Variants in THSD4 observed in about 807,000 individuals in gnomAD.
THSD4 encodes thrombospondin type-1 domain-containing protein 4.
THSD4 carries 69 observed loss-of-function variants against 119.0 expected under a neutral mutation model. That is an observed-to-expected ratio of 0.58 (90% CI 0.48 to 0.71). THSD4 has a LOEUF of 0.71. Among genes scored for constraint, THSD4 ranks in the 30% least tolerant of loss-of-function variants. THSD4 has a pLI of 0.00. For missense variants in THSD4, 1,393 were observed against 1,391.1 expected (o/e 1.00, Z -0.02); for synonymous variants, 524 against 540.4 (o/e 0.97, Z 0.42).
At chr15:71,718,958 A>G (rs1203026012) in intron 8 of THSD4, among the ~76,000 whole-genome samples, 2 of 152,146 alleles carry the variant, frequency 1.3e-5, no homozygotes, top group African/African-American at 2.4e-5. Context: ...ACAACCCCCA[A>G]TACTTTTTTG....
intron 6 of THSD4, among the ~76,000 whole-genome samples, chr15:71,289,391 C>A (rs1302448883): frequency 6.6e-6 from 1 of 152,144 alleles, no homozygotes; most frequent in Non-Finnish European, 1.5e-5. Context: ...GCACTGGACG[C>A]CAAGCAGAGG....
rs142890795 is a variant in THSD4 at position 71,618,497 on chromosome 15, C to A, written c.1153-42033C>A. ...CAACACAAAATATAAAATATAAAAG[C>A]AGGGATATACCCCGGCATCACAGGC... On this transcript the variant is annotated intron_variant, in intron 7 of 17. Coordinates refer to ENST00000261862, the MANE Select transcript of THSD4 (RefSeq NM_024817.3). 2.7e-3 allele frequency among the ~76,000 whole-genome samples: 415 copies of A among 152,278 alleles called. 7 individuals carry two copies. The highest frequency in any genetic ancestry group is 0.027 in the South Asian group (128 of 4,816).
upstream of THSD4, chr15:71,111,908 C>T (rs1310741348): frequency 3.6e-6 from 2 of 560,728 alleles, no homozygotes; most frequent in Non-Finnish European, 6.2e-6. Context: ...TAAAAGGATT[C>T]CACGTCAAAT....
chr15:71,351,192 A>T (rs1031935039), intron 6 of THSD4, among the ~76,000 whole-genome samples: 3 of 152,134 alleles, frequency 2.0e-5, no homozygotes. Context: ...TAAATCAATC[A>T]CAGGCCATGA....
chr15:71,596,180 G>C (rs984619042), intron 7 of THSD4, among the ~76,000 whole-genome samples: 5 of 152,188 alleles, frequency 3.3e-5, no homozygotes, highest in Non-Finnish European at 7.3e-5. Context: ...TGTCTGTGGT[G>C]GTTGAGTGAA....
intron 8 of THSD4, among the ~76,000 whole-genome samples, chr15:71,708,925 T>C (rs1198109339): frequency 6.6e-6 from 1 of 152,208 alleles, no homozygotes. Context: ...AGAGCGTGGG[T>C]GGCCCTGGAA....
chr15:71,212,658 A>G (rs1461018140), intron 3 of THSD4, among the ~76,000 whole-genome samples: 1 of 152,240 alleles, frequency 6.6e-6, no homozygotes, highest in Non-Finnish European at 1.5e-5. Flanking sequence ...TCTAGCAACA[A>G]TGTAGGCAGG....
chr15:71,738,089 G>C, intron 11 of THSD4, 82 bp downstream of exon 11: 4 of 1,534,104 alleles, frequency 2.6e-6, no homozygotes, highest in Non-Finnish European at 3.5e-6. Flanking sequence ...GCGGTCCCCG[G>C]CTTTTTTGGC....
intron 16 of THSD4, chr15:71,767,199 T>C (rs2053729943): frequency 6.6e-6 from 1 of 152,204 alleles, no homozygotes; most frequent in Non-Finnish European, 1.5e-5. Context: ...GCTAGACTTC[T>C]TTGAATGTAC....
intron 7 of THSD4, among the ~76,000 whole-genome samples, chr15:71,477,609 T>C (rs2047672382): frequency 6.6e-6 from 1 of 152,138 alleles, no homozygotes; most frequent in African/African-American, 2.4e-5. Context: ...CTCTTCTATC[T>C]GTAGGTCCTC....
intron 6 of THSD4, among the ~76,000 whole-genome samples, chr15:71,349,499 CCTTT>C (rs1357950929): frequency 5.9e-5 from 9 of 152,164 alleles, no homozygotes; most frequent in African/African-American, 2.2e-4. Context: ...GTTTGCATCA[CCTTT>C]CTGTCTACGT....
chr15:71,776,182 A>G (rs1274956142), intron 17 of THSD4, among the ~76,000 whole-genome samples: 1 of 152,220 alleles, frequency 6.6e-6, no homozygotes, highest in East Asian at 1.9e-4. Flanking sequence ...TTTTAAATGA[A>G]ACCAACAATT....
At chr15:71,710,597 A>T (rs1350927110) in intron 8 of THSD4, among the ~76,000 whole-genome samples, 2 of 152,340 alleles carry the variant, frequency 1.3e-5, no homozygotes, top group East Asian at 1.9e-4. Context: ...GACCCACCTC[A>T]TCTGGCTCAT....
intron 2 of THSD4, among the ~76,000 whole-genome samples, chr15:71,152,087 CCCCTT>C (rs1348833208): frequency 6.6e-6 from 1 of 152,132 alleles, no homozygotes; most frequent in Non-Finnish European, 1.5e-5. Flanking sequence ...CCCGAATACA[CCCCTT>C]GTTTGGAAGA....
At chr15:71,538,737 G>A (rs2048719296) in intron 7 of THSD4, among the ~76,000 whole-genome samples, 1 of 152,156 alleles carries the variant, frequency 6.6e-6, no homozygotes, top group African/African-American at 2.4e-5. Context: ...CTGATCCAGG[G>A]ACCATAGTTG....
intron 5 of THSD4, among the ~76,000 whole-genome samples, chr15:71,254,946 G>A (rs1422908580): frequency 1.3e-5 from 2 of 152,130 alleles, no homozygotes; most frequent in African/African-American, 4.8e-5. Context: ...TTCGGCTCAG[G>A]CCACAGCAGG....
intron 7 of THSD4, chr15:71,547,388 G>A (rs767998113): frequency 4.2e-5 from 65 of 1,550,124 alleles, no homozygotes; most frequent in Non-Finnish European, 8.7e-7. Context: ...CTCCTCTAGG[G>A]TAGTTCTAAC....
chr15:71,586,742 G>A (rs928517840), intron 7 of THSD4, among the ~76,000 whole-genome samples: 2 of 152,166 alleles, frequency 1.3e-5, no homozygotes, highest in African/African-American at 4.8e-5. Context: ...CACATTCACA[G>A]TCGTGGGATT....
At chr15:71,326,520 T>C (rs1367612720) in intron 6 of THSD4, among the ~76,000 whole-genome samples, 1 of 148,114 alleles carries the variant, frequency 6.8e-6, no homozygotes, top group Non-Finnish European at 1.5e-5. Context: ...CTACTAAAAA[T>C]ACAAAAATCA....
Sources: gnomAD v4.1 joint callset for allele counts (sites outside exome capture counted in the v4.1 genomes callset) on GRCh38, gnomAD v4.1.1 for gene constraint, MANE v1.5 for transcripts, NCBI Gene and HGNC (gene_info 2026-07-23, HGNC 2026-07-21) for gene names.